Variants in GNG12 observed in about 807,000 individuals in gnomAD.
The protein encoded by GNG12 is guanine nucleotide-binding protein G(I)/G(S)/G(O) subunit gamma-12.
For missense variants in GNG12, 69 were observed against 83.8 expected (o/e 0.82, Z 0.69); for synonymous variants, 28 against 29.7 (o/e 0.94, Z 0.19).
Position 67,704,188 on chromosome 1 carries a change from G to T in GNG12, c.*1263C>A, listed in dbSNP as rs1035782417. ...CCATATCCAGCTGCTAAAGCCCTTG[G>T]GCCCAAGGAGTGTACCACTGAATCC... On this transcript the variant is annotated 3_prime_UTR_variant, in exon 4 of 4. Coordinates refer to ENST00000370982, the MANE Select transcript of GNG12 (RefSeq NM_018841.6). 1 of 152,216 alleles carries T rather than the reference G, an allele frequency of 6.6e-6. No homozygotes were observed. Among genetic ancestry groups the T allele is most frequent in the Non-Finnish European group, 1.5e-5 (1 of 68,048 alleles). The allele number at this position is 152,216 out of a possible 1,614,324, so 9.4% of individuals were successfully genotyped here.
intron 1 of GNG12, among the ~76,000 whole-genome samples, chr1:67,818,783 A>G (rs2100818892): frequency 6.6e-6 from 1 of 152,282 alleles, no homozygotes; most frequent in South Asian, 2.1e-4. Context: ...AGTGCTTCAC[A>G]CCTATTAACT....
intron 2 of GNG12, among the ~76,000 whole-genome samples, chr1:67,713,062 C>A (rs919546453): frequency 3.3e-5 from 5 of 152,158 alleles, no homozygotes; most frequent in Non-Finnish European, 7.3e-5. Context: ...GTGACTGACA[C>A]GCGGTGACCT....
intron 1 of GNG12, among the ~76,000 whole-genome samples, chr1:67,805,040 C>G (rs1646887156): frequency 6.6e-6 from 1 of 152,180 alleles, no homozygotes; most frequent in African/African-American, 2.4e-5. Context: ...TGGGTTTTAT[C>G]AGAGCCTAAC....
intron 2 of GNG12, among the ~76,000 whole-genome samples, chr1:67,732,410 G>A (rs993375075): frequency 1.3e-5 from 2 of 152,178 alleles, no homozygotes; most frequent in Non-Finnish European, 2.9e-5. Context: ...TCTGGAAGGT[G>A]GGGAAAAGAG....
rs565197143 is a variant in GNG12, at chr1:67,702,026, A to C, written c.*3425T>G. Reference sequence around the variant, plus strand: ...ATCTACTGCAGCCACTTGTTTTACAAATGGAGAAATAGAGGCCCAGAGAGA... The same window carrying C: ...ATCTACTGCAGCCACTTGTTTTACACATGGAGAAATAGAGGCCCAGAGAGA... On this transcript the variant is annotated 3_prime_UTR_variant, in exon 4 of 4. Transcript: ENST00000370982. 7 of 152,948 alleles carry C rather than the reference A, an allele frequency of 4.6e-5. No homozygotes were observed. The South Asian group carries it at 1.5e-3, about 32-fold the overall frequency. 9.5% of individuals were successfully genotyped at this position (152,948 alleles called of 1,614,324 possible). A position where few individuals can be genotyped will look rare whatever the true frequency, so the allele number is the denominator to read the frequency against.
At chr1:67,712,741 A>T (rs1025271919) in intron 2 of GNG12, among the ~76,000 whole-genome samples, 2 of 151,350 alleles carry the variant, frequency 1.3e-5, no homozygotes, top group African/African-American at 2.4e-5. Flanking sequence ...TCTAGAAGCC[A>T]CCCTTCCCAC....
At chr1:67,768,786 CTATAAAATGTATACA>C (rs1646655833) in intron 2 of GNG12, among the ~76,000 whole-genome samples, 1 of 152,202 alleles carries the variant, frequency 6.6e-6, no homozygotes, top group Non-Finnish European at 1.5e-5. Context: ...CACTTCCCTA[CTATAAAATGTATACA>C]TATAAAAAGT....
intron 1 of GNG12, among the ~76,000 whole-genome samples, chr1:67,821,929 T>C (rs889494633): frequency 2.0e-5 from 3 of 152,034 alleles, no homozygotes; most frequent in Admixed American, 6.5e-5. Context: ...AGTCAGGTGA[T>C]TTGCCCAGGA....
At chr1:67,779,671 A>G (rs1381695506) in intron 1 of GNG12, among the ~76,000 whole-genome samples, 1 of 152,198 alleles carries the variant, frequency 6.6e-6, no homozygotes, top group Admixed American at 6.5e-5. Flanking sequence ...ACTTCTCTGC[A>G]GTAGCGCCAA....
At chr1:67,736,556 G>A (rs1346684917) in intron 2 of GNG12, among the ~76,000 whole-genome samples, 1 of 152,192 alleles carries the variant, frequency 6.6e-6, no homozygotes. Flanking sequence ...GAGTAATGGA[G>A]TCACCAGGGC....
intron 1 of GNG12, among the ~76,000 whole-genome samples, chr1:67,786,206 T>A (rs189240530): frequency 6.6e-6 from 1 of 152,332 alleles, no homozygotes; most frequent in Admixed American, 6.5e-5. Flanking sequence ...GAAATATTTT[T>A]ATTCCATGTA....
chr1:67,783,693 CA>C (rs1232703019), intron 1 of GNG12, among the ~76,000 whole-genome samples: 1 of 152,188 alleles, frequency 6.6e-6, no homozygotes, highest in Non-Finnish European at 1.5e-5. Context: ...GACATTTATG[CA>C]GCCAAAAATC....
At chr1:67,798,559 G>A (rs182373671) in intron 1 of GNG12, among the ~76,000 whole-genome samples, 17 of 152,016 alleles carry the variant, frequency 1.1e-4, no homozygotes, top group African/African-American at 3.4e-4. Context: ...CTGCCACCCC[G>A]AGACAGCGAG....
At chr1:67,806,008 A>G (rs994278185) in intron 1 of GNG12, among the ~76,000 whole-genome samples, 1 of 150,372 alleles carries the variant, frequency 6.7e-6, no homozygotes, top group Non-Finnish European at 1.5e-5. Context: ...TATTGAGAGA[A>G]AAAAAACGAA....
chr1:67,756,577 A>C (rs988445337), intron 2 of GNG12, among the ~76,000 whole-genome samples: 51 of 152,166 alleles, frequency 3.4e-4, no homozygotes, highest in Admixed American at 1.9e-3. Flanking sequence ...TGGAGGCCAC[A>C]AGATAGGGTG....
chr1:67,769,518 T>C (rs1222977045), intron 2 of GNG12, among the ~76,000 whole-genome samples: 3 of 152,184 alleles, frequency 2.0e-5, no homozygotes, highest in Non-Finnish European at 2.9e-5. Flanking sequence ...AATGCTTCCA[T>C]GAAGCACAGC....
At chr1:67,789,143 G>C (rs1264986255) in intron 1 of GNG12, among the ~76,000 whole-genome samples, 1 of 152,180 alleles carries the variant, frequency 6.6e-6, no homozygotes. Flanking sequence ...CCTTCGGTCT[G>C]CAGAAGATGC....
intron 1 of GNG12, among the ~76,000 whole-genome samples, chr1:67,804,463 T>A (rs1231719538): frequency 6.6e-6 from 1 of 152,156 alleles, no homozygotes; most frequent in East Asian, 1.9e-4. Context: ...TTGAGACAAC[T>A]GATATGACTC....
chr1:67,800,535 C>G (rs1219564268), intron 1 of GNG12, among the ~76,000 whole-genome samples: 3 of 152,180 alleles, frequency 2.0e-5, no homozygotes, highest in Non-Finnish European at 4.4e-5. Context: ...TTGAAATAAT[C>G]ACACAAGCAT....
Sources: gnomAD v4.1 joint callset for allele counts (sites outside exome capture counted in the v4.1 genomes callset) on GRCh38, gnomAD v4.1.1 for gene constraint, MANE v1.5 for transcripts, NCBI Gene and HGNC (gene_info 2026-07-23, HGNC 2026-07-21) for gene names.